LANCL1: variants seen among roughly 807,000 people sequenced by gnomAD.
LANCL1 encodes glutathione S-transferase LANCL1.
Under a neutral mutation model 50.6 loss-of-function variants are expected in LANCL1, and 50 were observed. The ratio of observed to expected loss-of-function variants is 0.99; its 90% CI spans 0.79 to 1.25. LANCL1 has a LOEUF of 1.25. Ranked by LOEUF, LANCL1 falls within the 50% of genes most tolerant of loss-of-function variation. LANCL1 has a pLI of 0.00. For synonymous variants in LANCL1, 188 were observed against 178.6 expected, an observed-to-expected ratio of 1.05 and a Z score of -0.42; for missense variants, 532 against 480.7, an observed-to-expected ratio of 1.11 and a Z score of -1.00.
chr2:210,450,679 A>C (rs1336212293), intron 4 of LANCL1, among the ~76,000 whole-genome samples: 3 of 152,264 alleles, frequency 2.0e-5, no homozygotes, highest in Non-Finnish European at 2.9e-5. Flanking sequence ...AGATATGAAC[A>C]GATACTTCTC....
Position 210,436,361 on chromosome 2 carries a change from G to A in LANCL1, c.905C>T (p.Ala302Val). ...VFREEKYLCD[A>V]YQCADVIWQY... ...CCAGATCACATCAGCACACTGATAG[G>A]CATCACAGAGATACTTTTCCTCTCT... Residue 302 changes from alanine (A) to valine (V), a missense_variant, in exon 8 of 10, where the codon GCC (alanine) becomes GTC (valine). By Grantham distance (64) the Ala-to-Val change is moderately conservative. Coordinates refer to ENST00000450366, the MANE Select transcript of LANCL1 (RefSeq NM_006055.3). 1 of 1,613,926 alleles carries A rather than the reference G, an allele frequency of 6.2e-7. No homozygotes were observed. Among genetic ancestry groups the A allele is most frequent in the Non-Finnish European group, 8.5e-7 (1 of 1,179,916 alleles).
chr2:210,446,580 A>G (rs1403853676), intron 4 of LANCL1, among the ~76,000 whole-genome samples: 1 of 152,078 alleles, frequency 6.6e-6, no homozygotes, highest in African/African-American at 2.4e-5. Flanking sequence ...GCATGTTCTA[A>G]CCAAATGCAT....
chr2:210,472,179 A>G (rs1694246550), intron 2 of LANCL1, 103 bp from the exon 3 acceptor site: 14 of 744,620 alleles, frequency 1.9e-5, no homozygotes, highest in East Asian at 1.8e-4. Context: ...CACTTAGGAC[A>G]TATTTTTCCA....
intron 4 of LANCL1, among the ~76,000 whole-genome samples, chr2:210,449,359 A>C (rs1693442690): frequency 6.6e-6 from 1 of 152,222 alleles, no homozygotes; most frequent in South Asian, 2.1e-4. Context: ...ATCTCAAAAT[A>C]GTAAGAGCTA....
chr2:210,441,570 T>C, intron 4 of LANCL1, 127 bp from the exon 5 acceptor site: 1 of 707,288 alleles, frequency 1.4e-6, no homozygotes, highest in Non-Finnish European at 2.2e-6. Context: ...ATAATATCTA[T>C]TTATAGAACA....
chr2:210,468,545 A>C (rs1010814384), intron 3 of LANCL1: 1 of 152,264 alleles, frequency 6.6e-6, no homozygotes, highest in African/African-American at 2.4e-5. Flanking sequence ...CTTCCTTGCT[A>C]ACAAGAGTGA....
intron 9 of LANCL1, 142 bp downstream of exon 9, chr2:210,435,245 A>G: frequency 3.1e-6 from 2 of 640,998 alleles, no homozygotes; most frequent in Non-Finnish European, 5.4e-6. Context: ...TTGATTTTTA[A>G]TATCGATTTA....
At chr2:210,442,598 A>G (rs990505177) in intron 4 of LANCL1, 15 of 152,214 alleles carry the variant, frequency 9.9e-5, no homozygotes, top group African/African-American at 3.6e-4. Flanking sequence ...GTGGCTCTAA[A>G]ACCTGGACAG....
chr2:210,470,576 C>T (rs978784664), intron 3 of LANCL1, among the ~76,000 whole-genome samples: 12 of 152,202 alleles, frequency 7.9e-5, no homozygotes, highest in East Asian at 1.9e-4. Flanking sequence ...CCTAAATGCT[C>T]GATGAACATT....
Position 210,476,721 on chromosome 2 carries a change from C to T in LANCL1, c.-118G>A. The T allele has an allele frequency of 7.1e-6, 8 of 1,124,928 alleles. No individual in the cohort carries two copies. Among genetic ancestry groups the T allele is most frequent in the Non-Finnish European group, 8.7e-6 (8 of 916,090 alleles). The allele number at this position is 1,124,928 out of a possible 1,614,324, so 69.7% of individuals were successfully genotyped here. On this transcript the variant is annotated 5_prime_UTR_variant, in exon 1 of 10. The change creates a new upstream start codon in the 5' untranslated region. Coordinates refer to ENST00000450366, the MANE Select transcript of LANCL1 (RefSeq NM_006055.3). ...AGCCCTTCTCGGCCCTGGCCTCTCA[C>T]CCCGCAGCCCCGGACAGTAACAGAA...
intron 4 of LANCL1, among the ~76,000 whole-genome samples, chr2:210,448,587 T>C (rs1693418867): frequency 6.6e-6 from 1 of 151,620 alleles, no homozygotes; most frequent in African/African-American, 2.4e-5. Context: ...AAAAGATCAA[T>C]AAAATAGATA....
chr2:210,460,099 G>C (rs940217269), intron 3 of LANCL1, among the ~76,000 whole-genome samples: 5 of 152,146 alleles, frequency 3.3e-5, no homozygotes, highest in Non-Finnish European at 7.4e-5. Context: ...ACAGATACAT[G>C]AATCTCTCAA....
chr2:210,452,987 A>G (rs1693555609), intron 4 of LANCL1, among the ~76,000 whole-genome samples: 1 of 152,178 alleles, frequency 6.6e-6, no homozygotes, highest in South Asian at 2.1e-4. Flanking sequence ...AAATTAAGTC[A>G]AATTTCTAGA....
At chr2:210,450,758 T>A (rs948176861) in intron 4 of LANCL1, among the ~76,000 whole-genome samples, 1 of 152,144 alleles carries the variant, frequency 6.6e-6, no homozygotes, top group African/African-American at 2.4e-5. Context: ...ATTAGAGAAA[T>A]GCAAATCAAA....
intron 3 of LANCL1, among the ~76,000 whole-genome samples, chr2:210,457,313 T>C (rs773097844): frequency 1.8e-4 from 28 of 152,182 alleles, no homozygotes; most frequent in Non-Finnish European, 2.8e-4. Flanking sequence ...GTATTTTATA[T>C]AATAGAAAAT....
At chr2:210,442,181 GGTGTGAGCCACTGCAACTGGCCAATACAT>G (rs1693161120) in intron 4 of LANCL1, among the ~76,000 whole-genome samples, 1 of 152,158 alleles carries the variant, frequency 6.6e-6, no homozygotes, top group South Asian at 2.1e-4. Context: ...TGGGATTATA[GGTGTGAGCCACTGCAACTGGCCAATACAT>G]GCAAATATTA....
chr2:210,455,935 T>G (rs1353822141), intron 3 of LANCL1, among the ~76,000 whole-genome samples: 1 of 152,060 alleles, frequency 6.6e-6, no homozygotes, highest in Non-Finnish European at 1.5e-5. Context: ...CCCCTAGATT[T>G]TTTTCTGTCG....
upstream of LANCL1, chr2:210,476,760 GC>G: frequency 9.7e-7 from 1 of 1,034,032 alleles, no homozygotes; most frequent in Non-Finnish European, 1.2e-6. Context: ...CTATTTTACC[GC>G]CCAGTTCCTG....
upstream of LANCL1, among the ~76,000 whole-genome samples, chr2:210,476,956 T>C (rs1052035420): frequency 2.0e-5 from 3 of 152,192 alleles, no homozygotes; most frequent in Non-Finnish European, 4.4e-5. Flanking sequence ...TTCTTTAATT[T>C]TTCTTATTTT....
Sources: gnomAD v4.1 joint callset for allele counts (sites outside exome capture counted in the v4.1 genomes callset) on GRCh38, gnomAD v4.1.1 for gene constraint, MANE v1.5 for transcripts, NCBI Gene and HGNC (gene_info 2026-07-23, HGNC 2026-07-21) for gene names.